The following TNFRSF21 variants were observed in gnomAD, a reference collection of about 807,000 sequenced individuals.
TNFRSF21 encodes tumor necrosis factor receptor superfamily member 21.
TNFRSF21 carries 19 observed loss-of-function variants against 45.6 expected under a neutral mutation model. That is an observed-to-expected ratio of 0.42 (90% CI 0.29 to 0.61). The LOEUF is 0.61. TNFRSF21 is among the 20% of genes least tolerant of loss of function. The pLI is 0.23. For synonymous variants in TNFRSF21, 314 were observed against 335.5 expected (o/e 0.94, Z 0.70); for missense variants, 737 against 851.5 (o/e 0.87, Z 1.67).
intron 4 of TNFRSF21, among the ~76,000 whole-genome samples, chr6:47,249,894 A>C (rs2113848573): frequency 6.6e-6 from 1 of 152,316 alleles, no homozygotes; most frequent in African/African-American, 2.4e-5. Context: ...AAAATGGAAT[A>C]AGAAAAAAAT....
Position 47,284,266 on chromosome 6 carries a change from G to A in TNFRSF21, c.915C>T (p.His305=), listed in dbSNP as rs1372040314. Residue 305 remains histidine, a synonymous_variant, in exon 3 of 6, where the codon CAC becomes CAT. Coordinates refer to ENST00000296861, the MANE Select transcript of TNFRSF21 (RefSeq NM_014452.5). ...LQVVNHQQGP[H]HRHILKLLPS... ...GCAGCAGCTTCAGGATGTGTCTGTG[G>A]TGGGGGCCTTGCTGGTGGTTGACTA... The A allele has an allele frequency of 6.2e-7, 1 of 1,612,858 alleles. No individual in the cohort carries two copies. The highest frequency in any genetic ancestry group is 8.5e-7 in the Non-Finnish European group (1 of 1,179,296).
At chr6:47,275,761 T>A (rs1310626846) in intron 3 of TNFRSF21, among the ~76,000 whole-genome samples, 1 of 152,146 alleles carries the variant, frequency 6.6e-6, no homozygotes, top group Non-Finnish European at 1.5e-5. Flanking sequence ...AAATAGAAAT[T>A]TTCACTAACC....
At position 47,244,676 on chromosome 6, in the gene TNFRSF21, C is replaced by G. The variant is rs182521427; in HGVS notation, c.1509+8580G>C. Reference sequence around the variant, plus strand: ...TGTTGGGCATTTAATTTCAGCCTGTCCTGTGAAAGTCCAACTGTAGATCGA... The same window carrying G: ...TGTTGGGCATTTAATTTCAGCCTGTGCTGTGAAAGTCCAACTGTAGATCGA... On this transcript the variant is annotated intron_variant, in intron 4 of 5. Coordinates refer to ENST00000296861, the MANE Select transcript of TNFRSF21 (RefSeq NM_014452.5). Among the ~76,000 whole-genome samples, 714 of 152,168 alleles carry G rather than the reference C, an allele frequency of 4.7e-3. 4 individuals are homozygous for G. Among genetic ancestry groups the G allele is most frequent in the South Asian group, 0.021 (103 of 4,820 alleles).
intron 3 of TNFRSF21, among the ~76,000 whole-genome samples, chr6:47,270,344 C>T (rs900130285): frequency 1.3e-5 from 2 of 152,204 alleles, no homozygotes; most frequent in Non-Finnish European, 2.9e-5. Context: ...CGTTCTGCAA[C>T]ATCCACTGGT....
intron 4 of TNFRSF21, among the ~76,000 whole-genome samples, chr6:47,236,265 C>A (rs1253284528): frequency 6.6e-6 from 1 of 152,042 alleles, no homozygotes; most frequent in Non-Finnish European, 1.5e-5. Context: ...GCTCTTCCGG[C>A]ATGGATAAAA....
intron 3 of TNFRSF21, among the ~76,000 whole-genome samples, chr6:47,274,041 G>GT (rs1554151477): frequency 6.6e-6 from 1 of 152,140 alleles, no homozygotes; most frequent in Non-Finnish European, 1.5e-5. Flanking sequence ...AATGAATATT[G>GT]TGAAAATGGC....
chr6:47,248,443 T>C (rs1429531495), intron 4 of TNFRSF21, among the ~76,000 whole-genome samples: 1 of 151,756 alleles, frequency 6.6e-6, no homozygotes, highest in Non-Finnish European at 1.5e-5. Context: ...AGTGCACTGG[T>C]TAAGTCTCTC....
chr6:47,245,136 C>T (rs1764804082), intron 4 of TNFRSF21, among the ~76,000 whole-genome samples: 1 of 152,056 alleles, frequency 6.6e-6, no homozygotes, highest in Admixed American at 6.6e-5. Flanking sequence ...CACTAACAGA[C>T]CCAGCCTTTT....
chr6:47,285,000 G>C (rs2113863930), intron 2 of TNFRSF21, among the ~76,000 whole-genome samples: 1 of 152,332 alleles, frequency 6.6e-6, no homozygotes, highest in African/African-American at 2.4e-5. Context: ...ACTTCTCTCA[G>C]AGAAGCCTCC....
Position 47,286,518 on chromosome 6 carries a change from G to T in TNFRSF21, c.174C>A (p.Asp58Glu), listed in dbSNP as rs1288321964. The T allele has an allele frequency of 5.0e-6, 8 of 1,614,056 alleles. No individual in the cohort carries two copies. Among genetic ancestry groups the T allele is most frequent in the Non-Finnish European group, 6.8e-6 (8 of 1,180,016 alleles). Residue 58 changes from aspartate to glutamate, a missense_variant, in exon 2 of 6, where the codon GAC (aspartate) becomes GAA (glutamate). Transcript: ENST00000296861. ...SNLIGTYRHV[D>E]RATGQVLTCD... ...AGGTTAGCACCTGGCCGGTGGCACG[G>T]TCAACATGGCGGTATGTGCCAATGA...
chr6:47,258,139 G>A (rs1277282961), intron 3 of TNFRSF21, among the ~76,000 whole-genome samples: 2 of 152,188 alleles, frequency 1.3e-5, no homozygotes, highest in African/African-American at 4.8e-5. Context: ...GGAGGCTGAG[G>A]TGAGTGGATC....
At chr6:47,267,913 G>A (rs955567689) in intron 3 of TNFRSF21, among the ~76,000 whole-genome samples, 1 of 152,106 alleles carries the variant, frequency 6.6e-6, no homozygotes, top group Admixed American at 6.6e-5. Flanking sequence ...TAAATATCTT[G>A]AATATGTCTC....
chr6:47,299,799 T>C (rs995524584), intron 1 of TNFRSF21, among the ~76,000 whole-genome samples: 2 of 152,206 alleles, frequency 1.3e-5, no homozygotes, highest in African/African-American at 2.4e-5. Flanking sequence ...GGCAGGCTTG[T>C]GGGCTAGAAA....
chr6:47,282,384 C>CAA lies in TNFRSF21; in HGVS notation c.1243+1552_1243+1553dup, dbSNP rs1419235376. Among the ~76,000 whole-genome samples the CAA allele has an allele frequency of 6.4e-3, 548 of 85,878 alleles. 6 individuals carry two copies. Among genetic ancestry groups the CAA allele is most frequent in the African/African-American group, 0.016 (349 of 21,756 alleles). The allele number at this position is 85,878 out of a possible 152,430, so 56.3% of individuals were successfully genotyped here. ...GAGCAACAAGAGCTAAATTCTGTCT[C>CAA]AAAAAAAAAATAAAAAAAAAAAACC... On this transcript the variant is annotated intron_variant, in intron 3 of 5. Transcript: ENST00000296861.
intron 3 of TNFRSF21, among the ~76,000 whole-genome samples, chr6:47,272,945 C>G (rs1025545577): frequency 3.3e-5 from 5 of 152,038 alleles, no homozygotes; most frequent in African/African-American, 1.2e-4. Flanking sequence ...ACACATACAC[C>G]CTCCTAAGAT....
At chr6:47,259,214 C>T (rs1275221006) in intron 3 of TNFRSF21, among the ~76,000 whole-genome samples, 1 of 152,256 alleles carries the variant, frequency 6.6e-6, no homozygotes, top group Non-Finnish European at 1.5e-5. Flanking sequence ...TCGGAGTTCC[C>T]AGGGTTTTTG....
At position 47,307,735 on chromosome 6, in the gene TNFRSF21, T is replaced by C. The variant is rs535224374; in HGVS notation, c.96+1681A>G. On this transcript the variant is annotated intron_variant, in intron 1 of 5. Coordinates refer to ENST00000296861, the MANE Select transcript of TNFRSF21 (RefSeq NM_014452.5). ...TTAGTTAAGGCAACCTACCATTTGA[T>C]TACATCAAGACCTTTGTTTAATTAC... 5.3e-5 allele frequency among the ~76,000 whole-genome samples: 8 copies of C among 152,296 alleles called. No individual in the cohort carries two copies. In the South Asian group the frequency reaches 1.7e-3, roughly 32 times the overall value.
At chr6:47,285,782 C>A (rs116601845) in intron 2 of TNFRSF21, among the ~76,000 whole-genome samples, 162 bp downstream of exon 2, 3,624 of 152,154 alleles carry the variant, frequency 0.024, 157 homozygotes, top group African/African-American at 0.084. Context: ...CTATTAAGTC[C>A]AAAAAAGCCA....
At chr6:47,287,306 T>TAAAAAAAA (rs1300998487) in intron 1 of TNFRSF21, among the ~76,000 whole-genome samples, 1 of 35,046 alleles carries the variant, frequency 2.9e-5, no homozygotes, top group Non-Finnish European at 4.7e-5. Flanking sequence ...AAACTCTTTC[T>TAAAAAAAA]CAAAAAAAAA....
Sources: gnomAD v4.1 joint callset for allele counts (sites outside exome capture counted in the v4.1 genomes callset) on GRCh38, gnomAD v4.1.1 for gene constraint, MANE v1.5 for transcripts, NCBI Gene and HGNC (gene_info 2026-07-23, HGNC 2026-07-21) for gene names.